The following PTGER3 variants were observed in gnomAD, a reference collection of about 807,000 sequenced individuals.
PTGER3 encodes prostaglandin E receptor 3.
A neutral mutation model predicts 34.7 loss-of-function variants in PTGER3; 22 were observed. The observed-to-expected ratio is 0.63, with a 90% confidence interval of 0.45 to 0.91. PTGER3 has a LOEUF of 0.91. Ranked by LOEUF, PTGER3 falls within the 40% of genes least tolerant of loss-of-function variation. The pLI, the probability that PTGER3 is intolerant of heterozygous loss-of-function variation, is 0.00. For missense variants in PTGER3, 468 were observed against 519.4 expected, an observed-to-expected ratio of 0.90 and a Z score of 0.96; for synonymous variants, 241 against 230.1, an observed-to-expected ratio of 1.05 and a Z score of -0.43.
intron 2 of PTGER3, among the ~76,000 whole-genome samples, chr1:70,963,865 A>C (rs549485509): frequency 6.6e-6 from 1 of 152,094 alleles, no homozygotes; most frequent in Non-Finnish European, 1.5e-5. Context: ...TTTCTATTGC[A>C]TGGTCAGGCT....
intron 3 of PTGER3, among the ~76,000 whole-genome samples, chr1:70,973,161 A>T (rs981016686): frequency 8.7e-5 from 13 of 149,342 alleles, no homozygotes; most frequent in Non-Finnish European, 1.6e-4. Context: ...TGTGTTATAG[A>T]CATAGATAGA....
At chr1:70,980,497 A>G (rs550439078) in intron 2 of PTGER3, among the ~76,000 whole-genome samples, 4 of 151,960 alleles carry the variant, frequency 2.6e-5, no homozygotes, top group Non-Finnish European at 5.9e-5. Context: ...CAGGCTGCCC[A>G]TTATGTCTGT....
At chr1:70,893,824 T>C (rs573351782) in intron 4 of PTGER3, among the ~76,000 whole-genome samples, 22 of 152,352 alleles carry the variant, frequency 1.4e-4, no homozygotes, top group East Asian at 9.6e-4. Flanking sequence ...CATTTGTTTG[T>C]TGCTTCCTTG....
intron 2 of PTGER3, among the ~76,000 whole-genome samples, chr1:70,957,175 C>T (rs912999842): frequency 1.3e-5 from 2 of 152,154 alleles, no homozygotes; most frequent in Admixed American, 6.6e-5. Context: ...CGAATGTCCC[C>T]TTGTCCAAAG....
intron 4 of PTGER3, among the ~76,000 whole-genome samples, chr1:70,857,744 C>T (rs1012515204): frequency 6.6e-6 from 1 of 152,052 alleles, no homozygotes; most frequent in African/African-American, 2.4e-5. Context: ...CTGTGTTAGC[C>T]AGGATGGTCT....
intron 4 of PTGER3, among the ~76,000 whole-genome samples, chr1:70,908,909 A>G (rs59778688): frequency 0.029 from 4,385 of 152,310 alleles, 231 homozygotes; most frequent in African/African-American, 0.1. Flanking sequence ...ATTTTTACAT[A>G]AGAGAAAAGT....
intron 4 of PTGER3, among the ~76,000 whole-genome samples, chr1:70,896,155 T>G (rs1054600298): frequency 4.6e-5 from 7 of 152,350 alleles, no homozygotes; most frequent in Non-Finnish European, 7.4e-5. Flanking sequence ...ATTAAATTAC[T>G]AGTTGGCTAC....
chr1:70,873,728 A>T (rs1364977301), intron 4 of PTGER3, among the ~76,000 whole-genome samples: 4 of 150,520 alleles, frequency 2.7e-5, no homozygotes, highest in African/African-American at 9.8e-5. Flanking sequence ...GCTCACTGCA[A>T]CCTCTGCCTC....
chr1:71,043,704 G>T (rs915386851), intron 1 of PTGER3, among the ~76,000 whole-genome samples: 5 of 151,906 alleles, frequency 3.3e-5, no homozygotes, highest in African/African-American at 4.8e-5. Context: ...AAATTCTAGT[G>T]TTTTTATTCT....
chr1:70,998,555 A>G (rs936072298), intron 2 of PTGER3, among the ~76,000 whole-genome samples: 2 of 152,216 alleles, frequency 1.3e-5, no homozygotes, highest in Non-Finnish European at 2.9e-5. Context: ...TTGGTGGTCA[A>G]AATCTACTTG....
intron 2 of PTGER3, chr1:71,009,519 G>A: frequency 1.0e-6 from 1 of 984,458 alleles, no homozygotes; most frequent in Non-Finnish European, 1.2e-6. Flanking sequence ...TATTTGAAAA[G>A]TAAACTGCTC....
At chr1:70,904,989 G>A (rs1364300609) in intron 4 of PTGER3, among the ~76,000 whole-genome samples, 2 of 152,268 alleles carry the variant, frequency 1.3e-5, no homozygotes, top group East Asian at 3.9e-4. Flanking sequence ...TAAGGTCCCT[G>A]TGCTGTGTGC....
downstream of PTGER3, among the ~76,000 whole-genome samples, chr1:70,949,623 A>G (rs1193100776): frequency 6.6e-6 from 1 of 152,206 alleles, no homozygotes; most frequent in East Asian, 1.9e-4. Flanking sequence ...AAAAACATCA[A>G]GGACATTTTT....
At chr1:70,932,549 CT>C (rs1483186133) in intron 4 of PTGER3, among the ~76,000 whole-genome samples, 1 of 152,110 alleles carries the variant, frequency 6.6e-6, no homozygotes, top group Non-Finnish European at 1.5e-5. Flanking sequence ...GTGAAATGTG[CT>C]TCTTACATGG....
At chr1:70,952,779 A>G (rs1650888609) in exon 4 of PTGER3, 14 of 1,335,962 alleles carry the variant, frequency 1.0e-5, no homozygotes, top group Non-Finnish European at 1.3e-5. Context: ...CTTGCTGGTA[A>G]TCTCCCACCT....
chr1:70,995,894 G>A (rs551770716), intron 2 of PTGER3, among the ~76,000 whole-genome samples: 15 of 152,170 alleles, frequency 9.9e-5, no homozygotes, highest in Non-Finnish European at 2.1e-4. Flanking sequence ...CATTCCTACT[G>A]GGCTTTATAT....
rs35235087 is a variant in PTGER3, at chr1:70,863,161, A to AT, written c.*24-10303dup. Among the ~76,000 whole-genome samples the AT allele has an allele frequency of 1.5e-3, 227 of 149,644 alleles. 2 individuals carry two copies. The highest frequency in any genetic ancestry group is 4.4e-3 in the African/African-American group (181 of 40,688). On this transcript the variant is annotated intron_variant, in intron 4 of 4. Transcript: ENST00000370931. ...CTATGGATTTATTTGCTAAAAGAGG[A>AT]TTTTTTTTTTCTCAGTCTCAGCTGG...
intron 4 of PTGER3, among the ~76,000 whole-genome samples, chr1:70,856,134 GGTGT>G (rs1645798006): frequency 6.6e-6 from 1 of 151,952 alleles, no homozygotes; most frequent in African/African-American, 2.4e-5. Flanking sequence ...AGACTTCCAA[GGTGT>G]CTATCACTAT....
rs1015428732 is a variant in PTGER3, at chr1:70,953,790, C to G, written c.1078-1G>C. 2 of 1,357,070 alleles carry G rather than the reference C, an allele frequency of 1.5e-6. No individual in the cohort carries two copies. The highest frequency in any genetic ancestry group is 1.4e-5 in the South Asian group (1 of 71,290). The allele number at this position is 1,357,070 out of a possible 1,614,324, so 84.1% of individuals were successfully genotyped here. A position where few individuals can be genotyped will look rare whatever the true frequency, so the allele number is the denominator to read the frequency against. ...GCTCTCTGAGTCTTCTTTTTCTCAT[C>G]TGAAAAAGAGTAATAACAGTATAAG... On this transcript the variant is annotated splice_acceptor_variant, in intron 2 of 3. Transcript: ENST00000356595. LOFTEE classifies it high-confidence loss of function.
Sources: allele counts gnomAD v4.1 joint callset (sites outside exome capture counted in the v4.1 genomes callset), GRCh38; gene constraint gnomAD v4.1.1; transcripts MANE v1.5; gene names NCBI Gene and HGNC (gene_info 2026-07-23, HGNC 2026-07-21).